Variants in PER3 observed in about 807,000 individuals in gnomAD.
The protein encoded by PER3 is period circadian regulator 3.
PER3 carries 107 observed loss-of-function variants against 127.2 expected under a neutral mutation model. That is an observed-to-expected ratio of 0.84 (90% CI 0.72 to 0.99). PER3 has a LOEUF of 0.99. PER3 is among the 50% of genes least tolerant of loss of function. The pLI is 0.00. For synonymous variants in PER3, 618 were observed against 585.8 expected, an observed-to-expected ratio of 1.05 and a Z score of -0.79; for missense variants, 1,560 against 1,525.8, an observed-to-expected ratio of 1.02 and a Z score of -0.37.
At chr1:7,793,695 G>T (rs181184340) in intron 5 of PER3, among the ~76,000 whole-genome samples, 1 of 152,254 alleles carries the variant, frequency 6.6e-6, no homozygotes, top group East Asian at 1.9e-4. Context: ...TGGGAACTAT[G>T]AAAAGTAGTA....
At position 7,827,426 on chromosome 1, in the gene PER3, C is replaced by T. The variant is rs1025811284; in HGVS notation, c.2497C>T (p.His833Tyr). The change falls in exon 18 of 22, where the codon CAT (histidine) becomes TAT (tyrosine). Residue 833 changes from histidine (H) to tyrosine (Y), a missense_variant. His to Tyr is a moderately conservative substitution (Grantham distance 83). Coordinates refer to ENST00000377532, the MANE Select transcript of PER3 (RefSeq NM_001377275.1). ...AAPGTAPEGL[H>Y]GLPLSEGLQP... ...CCCCGGAACTGCACCGGAAGGCCTG[C>T]ATGGGCTGCCCTTGTCCGAGGGCTT... The T allele has an allele frequency of 6.2e-7, 1 of 1,614,200 alleles. No homozygotes were observed. The highest frequency in any genetic ancestry group is 8.5e-7 in the Non-Finnish European group (1 of 1,180,022).
chr1:7,835,971 C>CT, intron 20 of PER3, 26 bp downstream of exon 20: 1 of 1,461,332 alleles, frequency 6.8e-7, no homozygotes, highest in Non-Finnish European at 9.4e-7. Context: ...AGAAAACCCA[C>CT]TTTTTATATT....
chr1:7,841,266 C>T (rs1226848439), intron 21 of PER3, among the ~76,000 whole-genome samples: 6 of 150,204 alleles, frequency 4.0e-5, no homozygotes, highest in African/African-American at 9.8e-5. Flanking sequence ...TGTACTTTGG[C>T]GTTTCTTTGT....
intron 16 of PER3, among the ~76,000 whole-genome samples, chr1:7,823,734 CT>C (rs1376774645): frequency 6.6e-6 from 1 of 151,800 alleles, no homozygotes; most frequent in African/African-American, 2.4e-5. Flanking sequence ...CTCTCTGCAA[CT>C]GATAAAAACA....
intron 13 of PER3, among the ~76,000 whole-genome samples, chr1:7,815,882 A>G (rs918419723): frequency 4.0e-5 from 6 of 150,520 alleles, no homozygotes; most frequent in African/African-American, 1.5e-4. Flanking sequence ...AGTCCCAGCT[A>G]CTCAGGAGGC....
At chr1:7,824,410 T>A (rs2097291897) in intron 16 of PER3, among the ~76,000 whole-genome samples, 1 of 152,192 alleles carries the variant, frequency 6.6e-6, no homozygotes, top group South Asian at 2.1e-4. Flanking sequence ...GTACAGTAAG[T>A]CTTGAAATCA....
At chr1:7,808,450 T>C (rs1356080621) in intron 10 of PER3, among the ~76,000 whole-genome samples, 3 of 152,136 alleles carry the variant, frequency 2.0e-5, no homozygotes, top group Non-Finnish European at 4.4e-5. Flanking sequence ...CTAGGGTGGG[T>C]TGCAGAACTG....
Position 7,820,357 on chromosome 1 carries a change from T to C in PER3, c.1784-110T>C, listed in dbSNP as rs2097270471. 3.2e-5 allele frequency: 45 copies of C among 1,400,820 alleles called. 1 individual carries two copies. The South Asian group carries it at 5.9e-4, about 18-fold the overall frequency. 86.8% of individuals were successfully genotyped at this position (1,400,820 alleles called of 1,614,324 possible). ...ATTCTGGTTTCATATTACCTCTTTA[T>C]GACAGTAAGGTTTAATTTCTCAGTT... On this transcript the variant is annotated intron_variant, in intron 15 of 21. Coordinates refer to ENST00000377532, the MANE Select transcript of PER3 (RefSeq NM_001377275.1).
chr1:7,843,043 T>A lies in PER3; in HGVS notation c.*288T>A. On this transcript the variant is annotated 3_prime_UTR_variant, in exon 22 of 22. Transcript: ENST00000377532. ...GAGGTATGTGTATCTTTATTTCAGA[T>A]GTCACCCAGAGTAAATTATAATTAG... The A allele has an allele frequency of 5.4e-6, 1 of 186,868 alleles. No individual in the cohort carries two copies. The highest frequency in any genetic ancestry group is 1.7e-4 in the South Asian group (1 of 6,028). 11.6% of individuals were successfully genotyped at this position (186,868 alleles called of 1,614,324 possible).
rs750464484 is a variant in PER3, at chr1:7,827,326, G to T, written c.2397G>T (p.Val799=). 3.1e-6 allele frequency: 5 copies of T among 1,613,814 alleles called. No homozygotes were observed. Among genetic ancestry groups the T allele is most frequent in the Admixed American group, 1.7e-5 (1 of 59,994 alleles). ...CGACCTTCCCACCTGCCGCCATGGT[G>T]CCCAGCCAGGCCCCTTACCTCGTCC... ...SSPTFPPAAM[V]PSQAPYLVPA... is the part of the protein sequence containing the mutation. Residue 799 remains valine, a synonymous_variant, in exon 18 of 22, where the codon GTG becomes GTT. Transcript: ENST00000377532.
chr1:7,830,202 A>T (rs751281849), intron 19 of PER3, 41 bp downstream of exon 19: 1 of 1,542,082 alleles, frequency 6.5e-7, no homozygotes, highest in South Asian at 1.1e-5. Flanking sequence ...CTCCAATGCC[A>T]GACATTCACT....
rs1389291747 is a variant in PER3 at position 7,798,660 on chromosome 1, C to T, written c.780C>T (p.His260=). 2 of 1,613,550 alleles carry T rather than the reference C, an allele frequency of 1.2e-6. No individual in the cohort carries two copies. The highest frequency in any genetic ancestry group is 1.7e-6 in the Non-Finnish European group (2 of 1,179,466). ...PCCLTVVEKI[H]SGYEAPRIPV... ...GTCTCACTGTGGTTGAAAAGATTCA[C>T]TCTGGTTATGAAGGTAAGTCAGTAG... The change falls in exon 7 of 22, where the codon CAC becomes CAT. Residue 260 remains histidine, a synonymous_variant. Transcript: ENST00000377532.
At position 7,793,221 on chromosome 1, in the gene PER3, A is replaced by C. The variant is rs554121395; in HGVS notation, c.593-736A>C. On this transcript the variant is annotated intron_variant, in intron 5 of 21. Transcript: ENST00000377532. ...GCCCAAAAGATATTCAGGAAGCTCT[A>C]ATCAGAGGAAATACATATAGTCAAC... 9.2e-5 allele frequency among the ~76,000 whole-genome samples: 14 copies of C among 152,338 alleles called. No individual in the cohort carries two copies. In the South Asian group the frequency reaches 2.9e-3, roughly 32 times the overall value.
intron 12 of PER3, 180 bp from the exon 13 acceptor site, chr1:7,810,258 A>G: frequency 1.6e-6 from 1 of 619,772 alleles, no homozygotes; most frequent in Non-Finnish European, 2.8e-6. Flanking sequence ...GAACAGATTT[A>G]TTTAGAATTT....
chr1:7,809,754 T>TAA (rs1441075363), intron 11 of PER3, 139 bp from the exon 12 acceptor site: 39 of 766,494 alleles, frequency 5.1e-5, no homozygotes, highest in Non-Finnish European at 7.6e-5. Context: ...GCATCAGCAT[T>TAA]AAAAGTACCA....
At chr1:7,841,060 TA>T (rs2097384949) in intron 21 of PER3, among the ~76,000 whole-genome samples, 1 of 152,208 alleles carries the variant, frequency 6.6e-6, no homozygotes, top group Non-Finnish European at 1.5e-5. Flanking sequence ...GGCCACATTG[TA>T]AGAAGAAGAA....
At chr1:7,825,041 GC>G (rs1329609778) in intron 16 of PER3, among the ~76,000 whole-genome samples, 2 of 148,972 alleles carry the variant, frequency 1.3e-5, no homozygotes, top group Non-Finnish European at 3.0e-5. Context: ...ATATATTTTG[GC>G]TTTTTTTTTT....
intron 19 of PER3, among the ~76,000 whole-genome samples, chr1:7,830,701 A>G (rs1165022649): frequency 6.6e-6 from 1 of 152,172 alleles, no homozygotes; most frequent in Admixed American, 6.5e-5. Flanking sequence ...TGGGATATCT[A>G]ACTGTTCCTG....
At chr1:7,814,056 G>A (rs540059972) in intron 13 of PER3, among the ~76,000 whole-genome samples, 113 of 152,256 alleles carry the variant, frequency 7.4e-4, no homozygotes, top group Non-Finnish European at 9.7e-4. Context: ...GATGAGGAAC[G>A]CATTTGATAG....
Sources: gnomAD v4.1 joint callset for allele counts (sites outside exome capture counted in the v4.1 genomes callset) on GRCh38, gnomAD v4.1.1 for gene constraint, MANE v1.5 for transcripts, NCBI Gene and HGNC (gene_info 2026-07-23, HGNC 2026-07-21) for gene names.